Variants in MPPED1 observed in about 807,000 individuals in gnomAD.
MPPED1 encodes metallophosphoesterase domain containing 1, also known as metallophosphoesterase domain-containing protein 1.
MPPED1 carries 16 observed loss-of-function variants against 36.2 expected under a neutral mutation model. The ratio of observed to expected loss-of-function variants is 0.44; its 90% CI spans 0.30 to 0.67. The LOEUF (loss-of-function observed/expected upper bound fraction) is 0.67. Among genes scored for constraint, MPPED1 ranks in the 30% least tolerant of loss-of-function variants. The pLI, the probability that MPPED1 is intolerant of heterozygous loss-of-function variation, is 0.10. For synonymous variants in MPPED1, 199 were observed against 191.3 expected, an observed-to-expected ratio of 1.04 and a Z score of -0.33; for missense variants, 307 against 453.4, an observed-to-expected ratio of 0.68 and a Z score of 2.93.
intron 2 of MPPED1, among the ~76,000 whole-genome samples, chr22:43,429,980 C>A (rs1016299734): frequency 2.6e-5 from 4 of 152,116 alleles, no homozygotes; most frequent in Non-Finnish European, 5.9e-5. Flanking sequence ...GGACGCAGTG[C>A]TTTGTGGGAA....
intron 6 of MPPED1, among the ~76,000 whole-genome samples, chr22:43,505,089 T>C (rs1932782300): frequency 6.6e-6 from 1 of 151,726 alleles, no homozygotes; most frequent in African/African-American, 2.4e-5. Flanking sequence ...ACATTAGTGA[T>C]GATTATGGTG....
intron 4 of MPPED1, among the ~76,000 whole-genome samples, chr22:43,493,681 T>C (rs1201064528): frequency 1.3e-5 from 2 of 152,194 alleles, no homozygotes. Context: ...ATCCCAGTAA[T>C]GTACATACTT....
chr22:43,472,679 C>T (rs1365785281), intron 3 of MPPED1, among the ~76,000 whole-genome samples: 1 of 152,216 alleles, frequency 6.6e-6, no homozygotes, highest in South Asian at 2.1e-4. Flanking sequence ...GGATTTTCTG[C>T]CTGTTCTGAA....
At chr22:43,442,055 T>C (rs868514149) in intron 3 of MPPED1, among the ~76,000 whole-genome samples, 23 of 152,032 alleles carry the variant, frequency 1.5e-4, no homozygotes, top group African/African-American at 3.4e-4. Flanking sequence ...ATTAGGATCA[T>C]GTGTGGGAAA....
intron 2 of MPPED1, among the ~76,000 whole-genome samples, chr22:43,432,893 GGAGA>G (rs144397006): frequency 1.8e-4 from 7 of 39,952 alleles, no homozygotes; most frequent in Admixed American, 6.0e-4. Context: ...GAGAAAGGGA[GGAGA>G]GAGAGAGGGA....
chr22:43,415,017 G>T (rs1015392100), intron 1 of MPPED1, among the ~76,000 whole-genome samples: 4 of 152,024 alleles, frequency 2.6e-5, no homozygotes, highest in African/African-American at 7.2e-5. Flanking sequence ...ACACTTGGGG[G>T]TGGCAGGGAG....
intron 3 of MPPED1, among the ~76,000 whole-genome samples, chr22:43,470,222 A>T (rs1035093205): frequency 1.3e-5 from 2 of 150,940 alleles, no homozygotes; most frequent in Non-Finnish European, 3.0e-5. Flanking sequence ...CCATCCATGT[A>T]TGCATCTATA....
At chr22:43,472,620 A>C (rs541133108) in intron 3 of MPPED1, among the ~76,000 whole-genome samples, 1 of 152,190 alleles carries the variant, frequency 6.6e-6, no homozygotes, top group African/African-American at 2.4e-5. Flanking sequence ...TCTTTCTCAA[A>C]CCTGTGAAGC....
At chr22:43,492,360 T>C (rs1326011599) in intron 4 of MPPED1, among the ~76,000 whole-genome samples, 1 of 152,074 alleles carries the variant, frequency 6.6e-6, no homozygotes, top group Non-Finnish European at 1.5e-5. Context: ...GGGTGATACG[T>C]ATTTCTGCAG....
chr22:43,442,439 A>T (rs1024232575), intron 3 of MPPED1, among the ~76,000 whole-genome samples: 6 of 152,070 alleles, frequency 3.9e-5, no homozygotes, highest in Non-Finnish European at 7.4e-5. Flanking sequence ...TGACTGCTGC[A>T]GAGTGTGCTG....
intron 1 of MPPED1, among the ~76,000 whole-genome samples, chr22:43,423,687 A>T (rs560356382): frequency 3.9e-4 from 59 of 152,270 alleles, no homozygotes; most frequent in African/African-American, 1.3e-3. Context: ...TCCTAATCTA[A>T]TTTGTTTTCT....
rs5996342 is a variant in MPPED1 at position 43,471,762 on chromosome 22, C to T, written c.407-2974C>T. On this transcript the variant is annotated intron_variant, in intron 3 of 6. Coordinates refer to ENST00000443721, the MANE Select transcript of MPPED1 (RefSeq NM_001044370.2). ...GGAGGCTTCATTCGCCAGACTCCTG[C>T]TGGGGCCTGCTAGGGACAGAGCTGG... 7.1e-3 allele frequency among the ~76,000 whole-genome samples: 1,079 copies of T among 152,326 alleles called. 12 individuals carry two copies. Among genetic ancestry groups the T allele is most frequent in the African/African-American group, 0.025 (1,028 of 41,570 alleles).
chr22:43,449,484 A>G (rs748872593), intron 3 of MPPED1, among the ~76,000 whole-genome samples: 1 of 132,686 alleles, frequency 7.5e-6, no homozygotes, highest in Non-Finnish European at 1.5e-5. Context: ...CAAGGAATGC[A>G]CTCATCCCCT....
At chr22:43,460,374 A>G (rs573386924) in intron 3 of MPPED1, among the ~76,000 whole-genome samples, 3 of 144,432 alleles carry the variant, frequency 2.1e-5, no homozygotes, top group Non-Finnish European at 4.5e-5. Context: ...CACTGCTTCC[A>G]GGTTGGAGTG....
rs555951114 is a variant in MPPED1, at chr22:43,465,300, G to T, written c.407-9436G>T. Among the ~76,000 whole-genome samples, 3 of 152,358 alleles carry T rather than the reference G, an allele frequency of 2.0e-5. No homozygotes were observed. In the South Asian group the frequency reaches 6.2e-4, roughly 32 times the overall value. On this transcript the variant is annotated intron_variant, in intron 3 of 6. Transcript: ENST00000443721. ...CATGACAGTTGGGAGGCTGCCACCTGATGGGCTCATCTCATCCTAACAGTG... is the reference window on the plus strand; with the variant it reads ...CATGACAGTTGGGAGGCTGCCACCTTATGGGCTCATCTCATCCTAACAGTG...
At chr22:43,467,094 C>T (rs76636390) in intron 3 of MPPED1, among the ~76,000 whole-genome samples, 5,857 of 152,216 alleles carry the variant, frequency 0.038, 250 homozygotes, top group East Asian at 0.21. Context: ...GGGAAGCATG[C>T]GTGTTTTATA....
intron 4 of MPPED1, among the ~76,000 whole-genome samples, chr22:43,489,787 G>A (rs972453711): frequency 4.6e-5 from 7 of 152,200 alleles, no homozygotes; most frequent in African/African-American, 1.7e-4. Context: ...CCAAAGTGCT[G>A]AGATTATAGG....
At chr22:43,504,650 C>T (rs62638147) in intron 6 of MPPED1, among the ~76,000 whole-genome samples, 6,141 of 147,952 alleles carry the variant, frequency 0.042, 186 homozygotes, top group Middle Eastern at 0.076. Flanking sequence ...GTGAGAATGG[C>T]GATGACAATG....
At position 43,506,224 on chromosome 22, in the gene MPPED1, C is replaced by T. The variant is rs1416402590; in HGVS notation, c.*608C>T. 6.5e-6 allele frequency: 1 copy of T among 152,734 alleles called. No individual in the cohort carries two copies. Among genetic ancestry groups the T allele is most frequent in the South Asian group, 2.1e-4 (1 of 4,836 alleles). 9.5% of individuals were successfully genotyped at this position (152,734 alleles called of 1,614,324 possible). A position where few individuals can be genotyped will look rare whatever the true frequency, so the allele number is the denominator to read the frequency against. ...GTTCCCCCCTTTTTCTTCCCATAGG[C>T]ATTTTTGTTTACTTGAACAATGACC... On this transcript the variant is annotated 3_prime_UTR_variant, in exon 7 of 7. Transcript: ENST00000443721.
Sources: gnomAD v4.1 joint callset for allele counts (sites outside exome capture counted in the v4.1 genomes callset) on GRCh38, gnomAD v4.1.1 for gene constraint, MANE v1.5 for transcripts, NCBI Gene and HGNC (gene_info 2026-07-23, HGNC 2026-07-21) for gene names.